The following WFDC3 variants were observed in gnomAD, a reference collection of about 807,000 sequenced individuals.
WFDC3 encodes WAP four-disulfide core domain 3, also known as WAP four-disulfide core domain protein 3.
A neutral mutation model predicts 25.8 loss-of-function variants in WFDC3; 15 were observed. That is an observed-to-expected ratio of 0.58 (90% CI 0.39 to 0.89). The LOEUF (loss-of-function observed/expected upper bound fraction) is 0.89, where lower values mean the gene tolerates loss of function less well. Ranked by LOEUF, WFDC3 falls within the 40% of genes least tolerant of loss-of-function variation. The probability of loss-of-function intolerance (pLI) is 0.00; values close to 1 mark genes in which losing one functional copy is unlikely to be tolerated. For synonymous variants in WFDC3, 103 were observed against 107.1 expected (o/e 0.96, Z 0.24); for missense variants, 264 against 289.8 (o/e 0.91, Z 0.65).
At chr20:45,777,768 G>T (rs1357601190) in intron 4 of WFDC3, among the ~76,000 whole-genome samples, 1 of 152,136 alleles carries the variant, frequency 6.6e-6, no homozygotes, top group Non-Finnish European at 1.5e-5. Context: ...TGATCCTCCC[G>T]CCTGAGCCTC....
rs373104263 is a variant in WFDC3 at position 45,777,177 on chromosome 20, G to A, written c.391C>T (p.Leu131Phe). 17 of 1,586,762 alleles carry A rather than the reference G, an allele frequency of 1.1e-5. No homozygotes were observed. The highest frequency in any genetic ancestry group is 1.4e-5 in the Non-Finnish European group (16 of 1,166,424). The change falls in exon 5 of 7, where the codon CTT becomes TTT. Residue 131 changes from leucine to phenylalanine, a missense_variant. Transcript: ENST00000243938. ...CCATCACACAGCTCCTCACACGGAA[G>A]GGGGTCAGCGGGACATTCACCACCA... ...EFGGECPADP[L>F]PCEELCDGDA...
chr20:45,787,982 C>A lies in WFDC3; in HGVS notation c.212G>T (p.Gly71Val). Residue 71 changes from glycine (G) to valine (V), a missense_variant and splice_region_variant, in exon 4 of 7, where the codon GGG (glycine) becomes GTG (valine). Transcript: ENST00000243938. ...AACCCTAGGGCAATCTCTTTTCCTCCCTGTAGCAAAAAGGGAGACAGCAAA... is the reference window on the plus strand; with the variant it reads ...AACCCTAGGGCAATCTCTTTTCCTCACTGTAGCAAAAAGGGAGACAGCAAA... The part of the protein sequence containing the change: ...CGRICRDIPK[G>V]RKRDCPRVIR... 1 of 1,609,648 alleles carries A rather than the reference C, an allele frequency of 6.2e-7. No homozygotes were observed. Among genetic ancestry groups the A allele is most frequent in the Non-Finnish European group, 8.5e-7 (1 of 1,178,464 alleles).
At chr20:45,786,613 G>A (rs1345682465) in intron 4 of WFDC3, among the ~76,000 whole-genome samples, 3 of 152,092 alleles carry the variant, frequency 2.0e-5, no homozygotes, top group Non-Finnish European at 2.9e-5. Context: ...ACTGGATCTC[G>A]CAAACAGTAC....
rs183890826 is a variant in WFDC3 at position 45,777,335 on chromosome 20, G to T, written c.359-126C>A. 4,143 of 1,048,110 alleles carry T rather than the reference G, an allele frequency of 4.0e-3. 8 individuals carry two copies. Among genetic ancestry groups the T allele is most frequent in the Non-Finnish European group, 4.6e-3 (3,803 of 832,710 alleles). 64.9% of individuals were successfully genotyped at this position (1,048,110 alleles called of 1,614,324 possible). A position where few individuals can be genotyped will look rare whatever the true frequency, so the allele number is the denominator to read the frequency against. On this transcript the variant is annotated intron_variant, in intron 4 of 6. Coordinates refer to ENST00000243938, the MANE Select transcript of WFDC3 (RefSeq NM_080614.2). ...ACATATATAATGTAAATATTTATGT[G>T]TATCATGTATCTGCAATACATCTGA...
chr20:45,791,391 G>C (rs1980983221), intron 1 of WFDC3, among the ~76,000 whole-genome samples: 1 of 150,676 alleles, frequency 6.6e-6, no homozygotes, highest in African/African-American at 2.4e-5. Flanking sequence ...CCGCCTCCTG[G>C]GTTCAAGAGA....
At position 45,775,587 on chromosome 20, in the gene WFDC3, C is replaced by T. The variant is rs200602781; in HGVS notation, c.509G>A (p.Cys170Tyr). The change falls in exon 6 of 7, where the codon TGT (cysteine) becomes TAT (tyrosine). Residue 170 changes from cysteine to tyrosine, a missense_variant. Coordinates refer to ENST00000243938, the MANE Select transcript of WFDC3 (RefSeq NM_080614.2). Reference sequence around the variant, plus strand: ...GCACAGGCCCACCAGAACTTTTGGACAATCACCGCCCCGCCCTGTGGGAAC... The same window carrying T: ...GCACAGGCCCACCAGAACTTTTGGATAATCACCGCCCCGCCCTGTGGGAAC... ...GDIEGGRGGD[C>Y]PKVLVGLCIV... is the part of the protein sequence containing the mutation. The T allele has an allele frequency of 6.2e-7, 1 of 1,614,192 alleles. No individual in the cohort carries two copies. Among genetic ancestry groups the T allele is most frequent in the Non-Finnish European group, 8.5e-7 (1 of 1,180,026 alleles).
chr20:45,782,844 G>T lies in WFDC3; in HGVS notation c.358+4992C>A, dbSNP rs185810767. ...CTTTTTAAAATGAAAACTGGACAAGGCCTCTCCTGCTTTTAAACCCCCTCA... is the reference window on the plus strand; with the variant it reads ...CTTTTTAAAATGAAAACTGGACAAGTCCTCTCCTGCTTTTAAACCCCCTCA... On this transcript the variant is annotated intron_variant, in intron 4 of 6. Transcript: ENST00000243938. 1.5e-3 allele frequency among the ~76,000 whole-genome samples: 228 copies of T among 152,056 alleles called. 1 individual carries two copies. The highest frequency in any genetic ancestry group is 5.2e-3 in the African/African-American group (215 of 41,456).
intron 4 of WFDC3, 57 bp from the exon 5 acceptor site, chr20:45,777,266 A>G (rs1980235560): frequency 2.1e-6 from 3 of 1,401,558 alleles, no homozygotes; most frequent in African/African-American, 3.0e-5. Context: ...CACATTTTTC[A>G]TTGTGTCCCA....
At chr20:45,790,080 C>A in intron 1 of WFDC3, 98 bp from the exon 2 acceptor site, 2 of 843,602 alleles carry the variant, frequency 2.4e-6, no homozygotes, top group East Asian at 2.6e-5. Context: ...GCCCCAAACC[C>A]AGTCCCAAAA....
intron 1 of WFDC3, among the ~76,000 whole-genome samples, chr20:45,791,533 G>C (rs777660075): frequency 5.9e-5 from 9 of 152,154 alleles, no homozygotes; most frequent in South Asian, 2.1e-4. Flanking sequence ...CTGATGGCAA[G>C]TGATCCTCCC....
intron 1 of WFDC3, among the ~76,000 whole-genome samples, chr20:45,790,505 AC>A (rs1216248643): frequency 6.6e-6 from 1 of 152,250 alleles, no homozygotes; most frequent in African/African-American, 2.4e-5. Context: ...CGGGCAGATC[AC>A]CTGAGGTCAG....
At chr20:45,780,196 C>T (rs1000176945) in intron 4 of WFDC3, among the ~76,000 whole-genome samples, 2 of 151,862 alleles carry the variant, frequency 1.3e-5, no homozygotes, top group African/African-American at 4.8e-5. Flanking sequence ...CCAACCTCAG[C>T]CTCCTGAGTA....
chr20:45,786,909 A>G (rs546718077), intron 4 of WFDC3, among the ~76,000 whole-genome samples: 148 of 152,002 alleles, frequency 9.7e-4, no homozygotes, highest in African/African-American at 3.4e-3. Context: ...CCTGGCTAAC[A>G]TGACGAAAAC....
chr20:45,777,781 A>G (rs1980260115), intron 4 of WFDC3, among the ~76,000 whole-genome samples: 1 of 152,170 alleles, frequency 6.6e-6, no homozygotes. Context: ...TGAGCCTCCC[A>G]AAGTGCCAGG....
At chr20:45,790,694 C>T (rs536435881) in intron 1 of WFDC3, among the ~76,000 whole-genome samples, 1 of 150,418 alleles carries the variant, frequency 6.6e-6, no homozygotes, top group East Asian at 1.9e-4. Flanking sequence ...CACTGCACTC[C>T]AGCTTGGGTA....
At position 45,791,556 on chromosome 20, in the gene WFDC3, C is replaced by CA. The variant is rs556403561; in HGVS notation, c.-8+275dup. On this transcript the variant is annotated intron_variant, in intron 1 of 6. Transcript: ENST00000243938. The stretch of plus-strand genomic sequence containing the variant: ...AAGTGATCCTCCCGCCTCGGCCTCC[C>CA]AAAGTGCTGGGATTACAGGCGTGAG... 1.8e-4 allele frequency among the ~76,000 whole-genome samples: 27 copies of CA among 152,276 alleles called. No individual in the cohort carries two copies. The East Asian group carries it at 3.5e-3, about 20-fold the overall frequency.
intron 6 of WFDC3, 61 bp downstream of exon 6, chr20:45,775,356 A>C: frequency 6.3e-7 from 1 of 1,575,526 alleles, no homozygotes; most frequent in South Asian, 1.2e-5. Context: ...CCCAGCACCT[A>C]AGCCAGTGCT....
intron 4 of WFDC3, among the ~76,000 whole-genome samples, chr20:45,787,093 CAAAAAA>C (rs71181858): frequency 1.5e-4 from 4 of 26,806 alleles, no homozygotes; most frequent in Non-Finnish European, 2.6e-4. Flanking sequence ...GACTCTCTCT[CAAAAAA>C]AAAAAAAAAA....
At chr20:45,776,197 C>A (rs531369188) in intron 5 of WFDC3, among the ~76,000 whole-genome samples, 1 of 151,960 alleles carries the variant, frequency 6.6e-6, no homozygotes, top group East Asian at 1.9e-4. Context: ...AATGGAGATC[C>A]ACAGTGCCTG....
Sources: gnomAD v4.1 joint callset for allele counts (sites outside exome capture counted in the v4.1 genomes callset) on GRCh38, gnomAD v4.1.1 for gene constraint, MANE v1.5 for transcripts, NCBI Gene and HGNC (gene_info 2026-07-23, HGNC 2026-07-21) for gene names.